Variants in AK5 observed in about 807,000 individuals in gnomAD.
The protein encoded by AK5 is adenylate kinase isoenzyme 5.
In AK5, 27 loss-of-function variants were observed where a neutral mutation model predicts 69.5. The observed-to-expected ratio is 0.39, with a 90% CI of 0.29 to 0.54. The LOEUF (loss-of-function observed/expected upper bound fraction) is 0.54, where lower values mean the gene tolerates loss of function less well. Among genes scored for constraint, AK5 ranks in the 20% least tolerant of loss-of-function variants. The probability of loss-of-function intolerance (pLI) is 0.71; values close to 1 mark genes in which losing one functional copy is unlikely to be tolerated. For synonymous variants in AK5, 260 were observed against 244.4 expected (o/e 1.06, Z -0.60); for missense variants, 531 against 700.4 (o/e 0.76, Z 2.73).
At chr1:77,524,967 G>A (rs575962000) in intron 12 of AK5, among the ~76,000 whole-genome samples, 383 of 152,306 alleles carry the variant, frequency 2.5e-3, no homozygotes, top group Non-Finnish European at 4.9e-3. Flanking sequence ...GAGTACAGTG[G>A]TGAATCTTGG....
intron 5 of AK5, among the ~76,000 whole-genome samples, chr1:77,324,464 C>T (rs992826749): frequency 6.6e-6 from 1 of 151,932 alleles, no homozygotes; most frequent in Non-Finnish European, 1.5e-5. Context: ...ATCTTGTGTA[C>T]CACATTCAAA....
intron 8 of AK5, among the ~76,000 whole-genome samples, chr1:77,440,112 T>TCTTTTTGCTTCCAGGTGTAGGGCTCC (rs1312299523): frequency 1.3e-5 from 2 of 152,338 alleles, no homozygotes; most frequent in African/African-American, 4.8e-5. Context: ...ATGATGATGA[T>TCTTTTTGCTTCCAGGTGTAGGGCTCC]CTTTTTGCTT....
intron 8 of AK5, among the ~76,000 whole-genome samples, chr1:77,476,238 C>T (rs1006225146): frequency 3.9e-5 from 6 of 152,016 alleles, no homozygotes; most frequent in African/African-American, 1.4e-4. Flanking sequence ...GGAATAAATT[C>T]TGGGGTGTAA....
At chr1:77,428,529 T>C (rs1392351655) in intron 8 of AK5, among the ~76,000 whole-genome samples, 1 of 152,130 alleles carries the variant, frequency 6.6e-6, no homozygotes, top group Non-Finnish European at 1.5e-5. Context: ...TGTACCTTTG[T>C]CCATTCAACC....
chr1:77,378,141 A>G (rs1215166483), intron 6 of AK5, among the ~76,000 whole-genome samples: 1 of 152,186 alleles, frequency 6.6e-6, no homozygotes, highest in African/African-American at 2.4e-5. Context: ...CTTCCACGTA[A>G]GCTGTTTGAG....
chr1:77,342,968 T>C (rs1211979070), intron 6 of AK5, among the ~76,000 whole-genome samples: 1 of 152,134 alleles, frequency 6.6e-6, no homozygotes, highest in Non-Finnish European at 1.5e-5. Context: ...TAAGGATCTT[T>C]ATTTTGGCAC....
intron 6 of AK5, among the ~76,000 whole-genome samples, chr1:77,405,378 C>T (rs1392923285): frequency 6.6e-6 from 1 of 152,240 alleles, no homozygotes; most frequent in East Asian, 1.9e-4. Context: ...CCATGGCTCA[C>T]TTGGCCTCAT....
At chr1:77,458,049 A>G (rs61553470) in intron 8 of AK5, among the ~76,000 whole-genome samples, 6,771 of 150,500 alleles carry the variant, frequency 0.045, 393 homozygotes, top group East Asian at 0.19. Context: ...CTGCAGTGAG[A>G]TATGATTGTG....
At chr1:77,431,378 A>G (rs1163589074) in intron 8 of AK5, among the ~76,000 whole-genome samples, 1 of 152,182 alleles carries the variant, frequency 6.6e-6, no homozygotes, top group Admixed American at 6.5e-5. Flanking sequence ...ACACTCTTAT[A>G]GGCGCTATAC....
At chr1:77,345,717 C>T (rs1661881038) in intron 6 of AK5, among the ~76,000 whole-genome samples, 1 of 152,172 alleles carries the variant, frequency 6.6e-6, no homozygotes, top group Non-Finnish European at 1.5e-5. Context: ...CCCAGATAAC[C>T]CCATTCACAC....
At chr1:77,522,497 C>A (rs1658046152) in intron 12 of AK5, among the ~76,000 whole-genome samples, 1 of 152,050 alleles carries the variant, frequency 6.6e-6, no homozygotes, top group African/African-American at 2.4e-5. Flanking sequence ...GGAAAATTAC[C>A]CCCAGGAAAA....
rs114737427 is a variant in AK5 at position 77,469,349 on chromosome 1, G to T, written c.1060-13968G>T. Among the ~76,000 whole-genome samples, 13 of 152,320 alleles carry T rather than the reference G, an allele frequency of 8.5e-5. No homozygotes were observed. In the East Asian group the frequency reaches 2.5e-3, roughly 29 times the overall value. ...CTACAATCAGTTGACTTTGAGGAGAGTTCCTCGATAACCTGGGTGAGCTTC... is the reference window on the plus strand; with the variant it reads ...CTACAATCAGTTGACTTTGAGGAGATTTCCTCGATAACCTGGGTGAGCTTC... On this transcript the variant is annotated intron_variant, in intron 8 of 13. Transcript: ENST00000354567.
chr1:77,548,944 C>T (rs1419058275), intron 13 of AK5, among the ~76,000 whole-genome samples: 2 of 117,756 alleles, frequency 1.7e-5, no homozygotes, highest in Admixed American at 2.4e-4. Flanking sequence ...TTCTGTCACT[C>T]TGCTCACTGC....
At chr1:77,456,443 G>A (rs1232259151) in intron 8 of AK5, among the ~76,000 whole-genome samples, 1 of 152,220 alleles carries the variant, frequency 6.6e-6, no homozygotes, top group African/African-American at 2.4e-5. Flanking sequence ...GTTACACCTT[G>A]CTAGAGAAGA....
intron 8 of AK5, among the ~76,000 whole-genome samples, chr1:77,427,374 T>A (rs1651282424): frequency 6.6e-6 from 1 of 152,128 alleles, no homozygotes; most frequent in African/African-American, 2.4e-5. Flanking sequence ...TTAACAATGC[T>A]ATGCCCACGA....
chr1:77,318,599 T>A (rs1215241770), intron 5 of AK5, among the ~76,000 whole-genome samples: 1 of 152,140 alleles, frequency 6.6e-6, no homozygotes, highest in Non-Finnish European at 1.5e-5. Context: ...ATGGAATCAC[T>A]ACCCTAAACA....
intron 6 of AK5, among the ~76,000 whole-genome samples, chr1:77,367,828 TAA>T (rs372313318): frequency 0.014 from 248 of 17,760 alleles, 54 homozygotes; most frequent in African/African-American, 0.027. Context: ...ATATTATATA[TAA>T]TATATGTTAT....
chr1:77,282,579 C>T (rs1311310232), intron 1 of AK5: 2 of 1,345,936 alleles, frequency 1.5e-6, no homozygotes, highest in Non-Finnish European at 1.9e-6. Context: ...GCTTAGAAGC[C>T]TGCATCTCAC....
chr1:77,553,157 C>CT (rs1659901528), intron 13 of AK5, among the ~76,000 whole-genome samples: 2 of 152,100 alleles, frequency 1.3e-5, no homozygotes, highest in African/African-American at 4.8e-5. Flanking sequence ...TTTGGAAAAT[C>CT]ATATATAAAG....
Sources: gnomAD v4.1 joint callset for allele counts (sites outside exome capture counted in the v4.1 genomes callset) on GRCh38, gnomAD v4.1.1 for gene constraint, MANE v1.5 for transcripts, NCBI Gene and HGNC (gene_info 2026-07-23, HGNC 2026-07-21) for gene names.